Variants in GPHN observed in about 807,000 individuals in gnomAD.
GPHN encodes gephyrin.
In GPHN, 17 loss-of-function variants were observed where a neutral mutation model predicts 95.5. The ratio of observed to expected loss-of-function variants is 0.18; its 90% CI spans 0.12 to 0.27. The LOEUF is 0.27. Among genes scored for constraint, GPHN ranks in the 10% least tolerant of loss-of-function variants. The pLI is 1.00. For missense variants in GPHN, 660 were observed against 978.1 expected, an observed-to-expected ratio of 0.67 and a Z score of 4.34; for synonymous variants, 320 against 322.5, an observed-to-expected ratio of 0.99 and a Z score of 0.08.
chr14:67,257,617 A>G, the GPHN span, among the ~76,000 whole-genome samples: 1 of 152,174 alleles, frequency 6.6e-6, no homozygotes, highest in South Asian at 2.1e-4. Context: ...AAGAAATGGC[A>G]TGTATGTATA....
chr14:66,654,097 A>G (rs1033548860), intron 1 of GPHN, among the ~76,000 whole-genome samples: 1 of 152,256 alleles, frequency 6.6e-6, no homozygotes, highest in South Asian at 2.1e-4. Flanking sequence ...TCACTATTTT[A>G]AAAAATGTAG....
chr14:67,223,712 C>A, the GPHN span: 1 of 978,288 alleles, frequency 1.0e-6, no homozygotes, highest in Non-Finnish European at 1.2e-6. Flanking sequence ...TATTTCTTTC[C>A]ACCTTTTTCT....
the GPHN span, chr14:67,392,737 G>C: frequency 6.2e-7 from 1 of 1,614,168 alleles, no homozygotes; most frequent in Non-Finnish European, 8.5e-7. Context: ...CCATGCTTCG[G>C]ACACCCACAG....
intron 2 of GPHN, chr14:66,709,286 T>G: frequency 4.4e-6 from 2 of 455,302 alleles, no homozygotes; most frequent in Non-Finnish European, 8.8e-6. Flanking sequence ...TGTATTAGAT[T>G]GAAAGCACCC....
chr14:67,357,139 C>T, the GPHN span, among the ~76,000 whole-genome samples: 59 of 152,298 alleles, frequency 3.9e-4, no homozygotes, highest in African/African-American at 1.3e-3. Context: ...ATTTTTCATG[C>T]GTCTTTTACT....
At chr14:67,286,419 C>G in the GPHN span, among the ~76,000 whole-genome samples, 812 of 152,258 alleles carry the variant, frequency 5.3e-3, 12 homozygotes, top group East Asian at 0.033. Flanking sequence ...GTGTATTTGA[C>G]AGGACTGATT....
At chr14:67,674,241 G>T in the GPHN span, 1 of 773,512 alleles carries the variant, frequency 1.3e-6, no homozygotes, top group Non-Finnish European at 2.0e-6. Flanking sequence ...GCTGGGACAA[G>T]CCAGCCCTAG....
intron 9 of GPHN, among the ~76,000 whole-genome samples, chr14:67,002,309 C>CTTTTTTTTTTTTT (rs1177817698): frequency 3.4e-5 from 2 of 58,756 alleles, no homozygotes; most frequent in Admixed American, 2.1e-4. Flanking sequence ...CTTTGTGTTG[C>CTTTTTTTTTTTTT]TTTTTTTTTT....
At chr14:66,696,080 A>G (rs531215196) in intron 2 of GPHN, among the ~76,000 whole-genome samples, 1 of 152,320 alleles carries the variant, frequency 6.6e-6, no homozygotes, top group East Asian at 1.9e-4. Context: ...TATGTTGATA[A>G]TGGGAGAAGC....
At chr14:67,010,573 AG>A (rs1254586343) in intron 9 of GPHN, among the ~76,000 whole-genome samples, 2 of 151,528 alleles carry the variant, frequency 1.3e-5, no homozygotes, top group Non-Finnish European at 2.9e-5. Context: ...AAAAAAAGAA[AG>A]AAAAAAAAGA....
At chr14:67,063,220 T>C (rs1336594447) in intron 11 of GPHN, among the ~76,000 whole-genome samples, 1 of 152,242 alleles carries the variant, frequency 6.6e-6, no homozygotes, top group African/African-American at 2.4e-5. Context: ...TTTGTCAGGA[T>C]TGTCAAAGAT....
At chr14:67,571,641 G>A in the GPHN span, 60 of 1,055,394 alleles carry the variant, frequency 5.7e-5, no homozygotes, top group Non-Finnish European at 7.9e-5. Flanking sequence ...TCAGAGTCCC[G>A]GCTGGGGGTT....
intron 2 of GPHN, among the ~76,000 whole-genome samples, chr14:66,763,906 G>A (rs2058857699): frequency 6.6e-6 from 1 of 152,092 alleles, no homozygotes; most frequent in African/African-American, 2.4e-5. Flanking sequence ...ACCCTATTGT[G>A]AACTGCACAT....
chr14:66,652,058 G>A (rs957372150), intron 1 of GPHN, among the ~76,000 whole-genome samples: 12 of 152,018 alleles, frequency 7.9e-5, no homozygotes, highest in Admixed American at 2.6e-4. Context: ...CAAAAAGGTT[G>A]GGGAATGCTG....
At chr14:67,252,156 C>G in the GPHN span, among the ~76,000 whole-genome samples, 6 of 152,032 alleles carry the variant, frequency 3.9e-5, no homozygotes, top group Non-Finnish European at 8.8e-5. Flanking sequence ...TTTCTGAGTT[C>G]TGGGGCCATT....
chr14:67,726,436 AG>A, the GPHN span, among the ~76,000 whole-genome samples: 1 of 152,240 alleles, frequency 6.6e-6, no homozygotes, highest in South Asian at 2.1e-4. Context: ...CTTGCCAGGC[AG>A]GGCCAGACCT....
intron 9 of GPHN, among the ~76,000 whole-genome samples, chr14:66,979,822 A>G (rs1412528065): frequency 6.6e-6 from 1 of 152,200 alleles, no homozygotes; most frequent in Non-Finnish European, 1.5e-5. Context: ...CTTTTGATTT[A>G]AAGTGGTAGA....
At chr14:67,018,471 A>G (rs942777255) in intron 9 of GPHN, among the ~76,000 whole-genome samples, 1 of 152,188 alleles carries the variant, frequency 6.6e-6, no homozygotes, top group African/African-American at 2.4e-5. Context: ...CAGCTTGTCT[A>G]AGGTCTAAAA....
At chr14:67,440,884 C>T in the GPHN span, among the ~76,000 whole-genome samples, 2 of 152,052 alleles carry the variant, frequency 1.3e-5, no homozygotes, top group African/African-American at 4.8e-5. Context: ...TGGGCAGGAG[C>T]AAGAGAAGGC....
Sources: gnomAD v4.1 joint callset for allele counts (sites outside exome capture counted in the v4.1 genomes callset) on GRCh38, gnomAD v4.1.1 for gene constraint, MANE v1.5 for transcripts, NCBI Gene and HGNC (gene_info 2026-07-23, HGNC 2026-07-21) for gene names.